Variants in RAB38 observed in about 807,000 individuals in gnomAD.
RAB38 encodes the protein ras-related protein Rab-38.
In RAB38, 15 loss-of-function variants were observed where a neutral mutation model predicts 18.4. The ratio of observed to expected loss-of-function variants is 0.82; its 90% CI spans 0.55 to 1.26. RAB38 has a LOEUF of 1.26. RAB38 is among the 50% of genes most tolerant of loss of function. The pLI is 0.00. For missense variants in RAB38, 294 were observed against 267.4 expected (o/e 1.10, Z -0.69); for synonymous variants, 101 against 104.4 (o/e 0.97, Z 0.20).
chr11:87,903,869 A>C, the RAB38 span, among the ~76,000 whole-genome samples: 618 of 151,408 alleles, frequency 4.1e-3, 3 homozygotes, highest in African/African-American at 0.014. Flanking sequence ...TGTCAGTAGC[A>C]TATAGAAGGA....
the RAB38 span, among the ~76,000 whole-genome samples, chr11:87,839,520 G>A: frequency 6.6e-6 from 1 of 152,136 alleles, no homozygotes; most frequent in Non-Finnish European, 1.5e-5. Flanking sequence ...CAATCAAGCT[G>A]TGCTTCTTTA....
the RAB38 span, among the ~76,000 whole-genome samples, chr11:87,889,751 C>T: frequency 1.3e-5 from 2 of 151,608 alleles, no homozygotes; most frequent in African/African-American, 4.8e-5. Flanking sequence ...CTTTCTCTTA[C>T]ATCACACTTT....
chr11:88,174,172 CT>C, intron 1 of RAB38: 1 of 834,440 alleles, frequency 1.2e-6, no homozygotes, highest in Non-Finnish European at 1.4e-6. Flanking sequence ...AGCGATGCAA[CT>C]GAGCTGAAGA....
the RAB38 span, among the ~76,000 whole-genome samples, chr11:87,882,077 C>T: frequency 6.6e-6 from 1 of 151,842 alleles, no homozygotes; most frequent in Non-Finnish European, 1.5e-5. Flanking sequence ...CCAAACTATC[C>T]CAGACCAACC....
the RAB38 span, among the ~76,000 whole-genome samples, chr11:87,855,009 A>G: frequency 6.6e-6 from 1 of 152,014 alleles, no homozygotes; most frequent in Admixed American, 6.6e-5. Flanking sequence ...GTTAGCCAGG[A>G]TGGTCTCGAT....
the RAB38 span, among the ~76,000 whole-genome samples, chr11:88,042,580 A>T: frequency 2.0e-5 from 3 of 152,162 alleles, no homozygotes; most frequent in African/African-American, 7.2e-5. Context: ...AGAGTGTGCA[A>T]GGGAGACTGG....
At chr11:87,899,543 T>G in the RAB38 span, among the ~76,000 whole-genome samples, 19 of 151,638 alleles carry the variant, frequency 1.3e-4, no homozygotes, top group Admixed American at 5.9e-4. Flanking sequence ...CCTTTTACCT[T>G]AATTACTAAA....
intron 2 of RAB38, among the ~76,000 whole-genome samples, chr11:88,127,005 T>C (rs909460779): frequency 9.9e-5 from 15 of 152,192 alleles, no homozygotes; most frequent in African/African-American, 2.4e-5. Flanking sequence ...AACAAACTTC[T>C]TCATTAGAGT....
chr11:88,031,667 T>TA, the RAB38 span, among the ~76,000 whole-genome samples: 1 of 150,960 alleles, frequency 6.6e-6, no homozygotes, highest in African/African-American at 2.4e-5. Flanking sequence ...GAATCCAACT[T>TA]ACAAGGGATG....
chr11:88,113,924 A>G lies in RAB38; in HGVS notation c.*64T>C. On this transcript the variant is annotated 3_prime_UTR_variant, in exon 3 of 3. Coordinates refer to ENST00000243662, the MANE Select transcript of RAB38 (RefSeq NM_022337.3). ...ATCCTGACGTTTACCCAAAATGGTA[A>G]AAATAGAGGCACAATTTGTGGAACA... is the stretch of plus-strand genomic sequence containing the variant. The G allele has an allele frequency of 6.3e-7, 1 of 1,594,346 alleles. No individual in the cohort carries two copies. Among genetic ancestry groups the G allele is most frequent in the Non-Finnish European group, 8.6e-7 (1 of 1,163,094 alleles).
chr11:88,171,673 G>A (rs946672536), intron 1 of RAB38, among the ~76,000 whole-genome samples: 10 of 152,286 alleles, frequency 6.6e-5, no homozygotes, highest in African/African-American at 2.4e-4. Context: ...AAGGGCTTAA[G>A]AAATATTAGC....
chr11:87,805,685 A>T, the RAB38 span, among the ~76,000 whole-genome samples: 2 of 152,056 alleles, frequency 1.3e-5, no homozygotes, highest in Non-Finnish European at 2.9e-5. Flanking sequence ...GCATGTGTGT[A>T]TATACATATA....
chr11:87,956,875 C>A, the RAB38 span, among the ~76,000 whole-genome samples: 1,410 of 152,084 alleles, frequency 9.3e-3, 22 homozygotes, highest in African/African-American at 0.032. Flanking sequence ...GGTTCCCTCC[C>A]CCCACCTTCA....
At chr11:88,114,530 T>A (rs1351247657) in intron 2 of RAB38, among the ~76,000 whole-genome samples, 1 of 152,228 alleles carries the variant, frequency 6.6e-6, no homozygotes, top group Non-Finnish European at 1.5e-5. Flanking sequence ...GACCTTGATA[T>A]AAAATAAGAA....
the RAB38 span, among the ~76,000 whole-genome samples, chr11:87,956,550 G>T: frequency 2.0e-5 from 3 of 150,972 alleles, no homozygotes; most frequent in Non-Finnish European, 2.9e-5. Flanking sequence ...AAACCAAACG[G>T]CAGGATAATT....
chr11:88,047,133 A>G, the RAB38 span, among the ~76,000 whole-genome samples: 3 of 151,754 alleles, frequency 2.0e-5, no homozygotes, highest in South Asian at 4.2e-4. Context: ...TCCAAAATCT[A>G]TTTTCTTCCT....
chr11:88,004,216 G>A, the RAB38 span, among the ~76,000 whole-genome samples: 7 of 150,106 alleles, frequency 4.7e-5, 1 homozygote, highest in South Asian at 6.3e-4. Flanking sequence ...TACATTCTTC[G>A]TGAATACAGA....
At chr11:88,043,386 T>A in the RAB38 span, among the ~76,000 whole-genome samples, 1 of 152,040 alleles carries the variant, frequency 6.6e-6, no homozygotes, top group South Asian at 2.1e-4. Flanking sequence ...GGGAAGGAGA[T>A]AGGGAGGAAA....
the RAB38 span, among the ~76,000 whole-genome samples, chr11:87,941,708 G>A: frequency 6.6e-6 from 1 of 152,102 alleles, no homozygotes; most frequent in African/African-American, 2.4e-5. Context: ...GATTAACAGG[G>A]AAGATTTCAA....
Sources: allele counts gnomAD v4.1 joint callset (sites outside exome capture counted in the v4.1 genomes callset), GRCh38; gene constraint gnomAD v4.1.1; transcripts MANE v1.5; gene names NCBI Gene and HGNC (gene_info 2026-07-23, HGNC 2026-07-21).